USP54: variants seen among roughly 807,000 people sequenced by gnomAD.
The protein encoded by USP54 is ubiquitin specific peptidase 54.
Under a neutral mutation model 170.5 loss-of-function variants are expected in USP54, and 87 were observed. That is an observed-to-expected ratio of 0.51 (90% CI 0.43 to 0.61). The LOEUF (loss-of-function observed/expected upper bound fraction) is 0.61. USP54 is among the 20% of genes least tolerant of loss of function. USP54 has a pLI of 0.00. For missense variants in USP54, 1,786 were observed against 2,047.8 expected (o/e 0.87, Z 2.47); for synonymous variants, 655 against 742.8 (o/e 0.88, Z 1.92).
intron 1 of USP54, chr10:73,615,215 T>C (rs1030204115): frequency 6.7e-6 from 1 of 150,116 alleles, no homozygotes; most frequent in African/African-American, 2.5e-5. Flanking sequence ...TAGCCAGGCA[T>C]GGTGGCATCC....
chr10:73,542,248 G>A (rs894163152), intron 7 of USP54, among the ~76,000 whole-genome samples: 6 of 152,176 alleles, frequency 3.9e-5, no homozygotes, highest in South Asian at 2.1e-4. Flanking sequence ...ACAGGCACGC[G>A]CAACCATGCC....
chr10:73,519,985 T>G lies in USP54; in HGVS notation c.2490A>C (p.Leu830=). ...LALCNEAISK[L]RLALHGASCS... ...AGCTGGCACCATGCAGGGCAAGTCT[T>G]AGTTTAGCTAAAATGCAAAAGAAAA... The change falls in exon 19 of 24, where the codon CTA becomes CTC. Residue 830 remains leucine (L), a synonymous_variant. Transcript: ENST00000687698. 1 of 1,602,442 alleles carries G rather than the reference T, an allele frequency of 6.2e-7. No individual in the cohort carries two copies. The highest frequency in any genetic ancestry group is 8.5e-7 in the Non-Finnish European group (1 of 1,173,830).
chr10:73,602,984 T>C lies in USP54; in HGVS notation c.-18+22583A>G, dbSNP rs75871498. On this transcript the variant is annotated intron_variant, in intron 1 of 22. Coordinates refer to the USP54 transcript ENST00000339859. ...ACCTATTATGTGCAAGTATCTCTGA[T>C]AGGGTGCTGAACTGGGCTTTTGAAA... 1.5e-3 allele frequency among the ~76,000 whole-genome samples: 232 copies of C among 152,118 alleles called. 2 individuals are homozygous for C. Among genetic ancestry groups the C allele is most frequent in the African/African-American group, 4.9e-3 (203 of 41,514 alleles).
chr10:73,514,423 G>A (rs1204432428), intron 20 of USP54, among the ~76,000 whole-genome samples: 1 of 152,098 alleles, frequency 6.6e-6, no homozygotes, highest in Non-Finnish European at 1.5e-5. Context: ...TTAGCTGGGC[G>A]TGGTGGCACA....
intron 22 of USP54, among the ~76,000 whole-genome samples, chr10:73,501,201 A>AG (rs1274493419): frequency 1.3e-5 from 2 of 152,174 alleles, no homozygotes; most frequent in African/African-American, 4.8e-5. Flanking sequence ...TGAGAGAATG[A>AG]GAAAAAAAAA....
At chr10:73,535,325 A>T (rs1313186211) in intron 11 of USP54, among the ~76,000 whole-genome samples, 5 of 152,064 alleles carry the variant, frequency 3.3e-5, no homozygotes, top group Non-Finnish European at 7.4e-5. Flanking sequence ...TAATAGGACA[A>T]ATGGGTATTT....
Position 73,519,934 on chromosome 10 carries a change from G to A in USP54, c.2541C>T (p.Val847=), listed in dbSNP as rs569004334. Residue 847 remains valine (V), a synonymous_variant, in exon 19 of 24, where the codon GTC becomes GTT. Coordinates refer to ENST00000687698, the MANE Select transcript of USP54 (RefSeq NM_001391956.1). Reference sequence around the variant, plus strand: ...GAATACTGATTTGCAACTTCTTATCGACTAGGGCTCTGCTGTGCGTGCTAC... The same window carrying A: ...GAATACTGATTTGCAACTTCTTATCAACTAGGGCTCTGCTGTGCGTGCTAC... ...ASCSTHSRAL[V]DKKLQISIRK... is the part of the protein sequence containing the mutation. The A allele has an allele frequency of 3.7e-6, 6 of 1,613,694 alleles. No individual in the cohort carries two copies. The Admixed American group carries it at 5.0e-5, about 13-fold the overall frequency.
intron 1 of USP54, among the ~76,000 whole-genome samples, chr10:73,598,725 C>G (rs976829647): frequency 6.6e-6 from 1 of 152,166 alleles, no homozygotes; most frequent in Non-Finnish European, 1.5e-5. Context: ...GCCTGGCCAA[C>G]ATGGTGAAAC....
intron 1 of USP54, among the ~76,000 whole-genome samples, chr10:73,619,407 T>A (rs1341939579): frequency 1.3e-5 from 2 of 149,488 alleles, no homozygotes; most frequent in African/African-American, 5.1e-5. Context: ...TTTTTCACTT[T>A]TTTTTGTAGA....
intron 3 of USP54, among the ~76,000 whole-genome samples, chr10:73,575,156 C>A (rs948629537): frequency 6.6e-6 from 1 of 151,732 alleles, no homozygotes; most frequent in African/African-American, 2.4e-5. Context: ...ACCTGGGAGG[C>A]GGAGGTTGCA....
intron 18 of USP54, 121 bp from the exon 19 acceptor site, chr10:73,520,113 C>T (rs572065498): frequency 9.3e-5 from 129 of 1,385,338 alleles, no homozygotes; most frequent in South Asian, 3.9e-4. Flanking sequence ...GTAGCAGGAA[C>T]GCAAGGCATG....
chr10:73,514,997 G>A (rs944703743), intron 20 of USP54, among the ~76,000 whole-genome samples: 1 of 151,406 alleles, frequency 6.6e-6, no homozygotes, highest in Non-Finnish European at 1.5e-5. Context: ...CTGAGATCAC[G>A]CCATTGCACT....
chr10:73,550,699 G>C (rs79416804), intron 4 of USP54, among the ~76,000 whole-genome samples: 1 of 144,352 alleles, frequency 6.9e-6, no homozygotes, highest in African/African-American at 2.9e-5. Flanking sequence ...ATTAAAATCT[G>C]TTTTTTTTTA....
At chr10:73,531,031 C>A (rs1054405820) in intron 12 of USP54, among the ~76,000 whole-genome samples, 196 bp from the exon 13 acceptor site, 4 of 152,078 alleles carry the variant, frequency 2.6e-5, no homozygotes, top group African/African-American at 7.2e-5. Context: ...GGTGCAGTGA[C>A]TCACACCTAT....
intron 1 of USP54, among the ~76,000 whole-genome samples, chr10:73,605,836 G>A (rs1164699917): frequency 1.3e-5 from 2 of 152,054 alleles, no homozygotes; most frequent in African/African-American, 2.4e-5. Flanking sequence ...CTTTGGGGAA[G>A]GAGGAATCGG....
rs1231007671 is a variant in USP54, at chr10:73,618,616, G to A, written c.-18+6951C>T. On this transcript the variant is annotated intron_variant, in intron 1 of 22. Coordinates refer to the USP54 transcript ENST00000339859. Reference sequence around the variant, plus strand: ...AAAATTAGCTGGGCATGGGGCTCACGCCTGCAATCCCAACTACTTGGGAGG... The same window carrying A: ...AAAATTAGCTGGGCATGGGGCTCACACCTGCAATCCCAACTACTTGGGAGG... Among the ~76,000 whole-genome samples the A allele has an allele frequency of 4.0e-5, 6 of 149,360 alleles. 1 individual carries two copies. The highest frequency in any genetic ancestry group is 5.9e-5 in the Non-Finnish European group (4 of 67,928).
In USP54 at chr10:73,499,191, G is replaced by A; in HGVS notation, c.4496-3C>T. 2.5e-6 allele frequency: 4 copies of A among 1,584,642 alleles called. No homozygotes were observed. Among genetic ancestry groups the A allele is most frequent in the Non-Finnish European group, 3.4e-6 (4 of 1,168,266 alleles). On this transcript the variant is annotated splice_region_variant and splice_polypyrimidine_tract_variant and intron_variant, in intron 23 of 23. Coordinates refer to ENST00000687698, the MANE Select transcript of USP54 (RefSeq NM_001391956.1). Reference sequence around the variant, plus strand: ...CTGCTGGACACTCCTTGAAGTTCCTGGGGAAAGAAAAGAAACCCAAAGACT... The same window carrying A: ...CTGCTGGACACTCCTTGAAGTTCCTAGGGAAAGAAAAGAAACCCAAAGACT...
Position 73,543,796 on chromosome 10 carries a change from C to T in USP54, c.376-665G>A, listed in dbSNP as rs139773560. ...TATGCCATTTTATCAAGATATAGAC[C>T]AGTTCCATCACAAGGCTCCCTCATG... On this transcript the variant is annotated intron_variant, in intron 5 of 23. Transcript: ENST00000687698. Among the ~76,000 whole-genome samples the T allele has an allele frequency of 8.3e-4, 127 of 152,248 alleles. 7 individuals carry two copies. Among genetic ancestry groups the T allele is most frequent in the African/African-American group, 2.6e-3 (109 of 41,540 alleles).
chr10:73,580,281 T>G (rs992180349), intron 1 of USP54, among the ~76,000 whole-genome samples: 1 of 141,412 alleles, frequency 7.1e-6, no homozygotes, highest in African/African-American at 2.7e-5. Flanking sequence ...ATCAAGCCAC[T>G]GCACTCCAAC....
Sources: allele counts gnomAD v4.1 joint callset (sites outside exome capture counted in the v4.1 genomes callset), GRCh38; gene constraint gnomAD v4.1.1; transcripts MANE v1.5; gene names NCBI Gene and HGNC (gene_info 2026-07-23, HGNC 2026-07-21).